DNMT3A: variants seen among roughly 807,000 people sequenced by gnomAD.
DNMT3A encodes DNA (cytosine-5)-methyltransferase 3A.
DNMT3A carries 267 observed loss-of-function variants against 117.6 expected under a neutral mutation model. The ratio of observed to expected loss-of-function variants is 2.27; its 90% confidence interval spans 2.05 to 2.51. The LOEUF (loss-of-function observed/expected upper bound fraction) is 2.51. DNMT3A is among the 30% of genes most tolerant of loss of function. The pLI, the probability that DNMT3A is intolerant of heterozygous loss-of-function variation, is 0.00. For missense variants in DNMT3A, 1,029 were observed against 1,260.2 expected, an observed-to-expected ratio of 0.82 and a Z score of 2.78; for synonymous variants, 432 against 474.8, an observed-to-expected ratio of 0.91 and a Z score of 1.17.
Position 25,244,306 on chromosome 2 carries a change from A to C in DNMT3A, c.1700T>G (p.Val567Gly). Residue 567 changes from valine (V) to glycine (G), a missense_variant, in exon 15 of 23, where the codon GTG becomes GGG. Coordinates refer to ENST00000321117, the MANE Select transcript of DNMT3A (RefSeq NM_022552.5). ...GGCTGCCTGGGCAGCCCCCGGCCCCACCAAGAGGTCCACACACTCCACGCA... is the reference window on the plus strand; with the variant it reads ...GGCTGCCTGGGCAGCCCCCGGCCCCCCCAAGAGGTCCACACACTCCACGCA... ...CFCVECVDLL[V>G]GPGAAQAAIK... 6.2e-7 allele frequency: 1 copy of C among 1,610,442 alleles called. No individual in the cohort carries two copies. Among genetic ancestry groups the C allele is most frequent in the Non-Finnish European group, 8.5e-7 (1 of 1,178,610 alleles).
chr2:25,257,658 T>G lies in DNMT3A; in HGVS notation c.640-9406A>C, dbSNP rs912028048. Reference sequence around the variant, plus strand: ...ACTTCCTTTCTTTTCACGAGGGCCTTGCTAATCACCTCGCCAGGAGAACCC... The same window carrying G: ...ACTTCCTTTCTTTTCACGAGGGCCTGGCTAATCACCTCGCCAGGAGAACCC... On this transcript the variant is annotated intron_variant, in intron 6 of 22. Transcript: ENST00000321117. This position sits in a 1 kb window ranked among gnomAD's most constrained non-coding sequence, Gnocchi z 4.8. Among the ~76,000 whole-genome samples, 1 of 152,150 alleles carries G rather than the reference T, an allele frequency of 6.6e-6. No individual in the cohort carries two copies. Among genetic ancestry groups the G allele is most frequent in the African/African-American group, 2.4e-5 (1 of 41,420 alleles).
At position 25,337,394 on chromosome 2, in the gene DNMT3A, C is replaced by G. The variant is rs780487791; in HGVS notation, c.-178+4432G>C. On this transcript the variant is annotated intron_variant, in intron 1 of 22. Transcript: ENST00000321117. This position sits in a 1 kb window ranked among gnomAD's most constrained non-coding sequence, Gnocchi z 5.0. ...CAGACACAGCTAACAGGAGGGCTCC[C>G]GCTCCTCTAAGGCTGTAACGCACAT... Among the ~76,000 whole-genome samples the G allele has an allele frequency of 6.6e-6, 1 of 152,196 alleles. No homozygotes were observed. Among genetic ancestry groups the G allele is most frequent in the Non-Finnish European group, 1.5e-5 (1 of 68,036 alleles).
chr2:25,272,991 TGAGACAGA>T (rs1558696413), intron 6 of DNMT3A, among the ~76,000 whole-genome samples: 69 of 147,902 alleles, frequency 4.7e-4, no homozygotes, highest in Non-Finnish European at 6.1e-4. Context: ...TTTTTTTTTT[TGAGACAGA>T]GTTTTGCTCT....
chr2:25,296,287 C>A lies in DNMT3A; in HGVS notation c.177+3852G>T, dbSNP rs576757654. Among the ~76,000 whole-genome samples the A allele has an allele frequency of 3.1e-4, 47 of 152,280 alleles. 1 individual carries two copies. Among genetic ancestry groups the A allele is most frequent in the African/African-American group, 1.1e-3 (46 of 41,556 alleles). On this transcript the variant is annotated intron_variant, in intron 3 of 22. Transcript: ENST00000321117. The surrounding 1 kb of genome is among the most constrained non-coding windows in gnomAD (Gnocchi z 4.2). Reference sequence around the variant, plus strand: ...CTGGGCTTCATTTTCAGGCTAGGTTCTACCGGGCTGTGGTGCTGGGGCAGG... The same window carrying A: ...CTGGGCTTCATTTTCAGGCTAGGTTATACCGGGCTGTGGTGCTGGGGCAGG...
rs1221479195 is a variant in DNMT3A, at chr2:25,311,467, G to A, written c.72+2446C>T. On this transcript the variant is annotated intron_variant, in intron 2 of 22. Transcript: ENST00000321117. This position sits in a 1 kb window ranked among gnomAD's most constrained non-coding sequence, Gnocchi z 5.2. ...TGTGCCAGGTGAGCCAGCATGCGTG[G>A]TGTAGGTGTGGGCGGCTGGGGAGGA... Among the ~76,000 whole-genome samples, 1 of 152,234 alleles carries A rather than the reference G, an allele frequency of 6.6e-6. No homozygotes were observed. Among genetic ancestry groups the A allele is most frequent in the African/African-American group, 2.4e-5 (1 of 41,476 alleles).
intron 1 of DNMT3A, among the ~76,000 whole-genome samples, chr2:25,320,841 C>T (rs1326842478): frequency 6.6e-6 from 1 of 151,968 alleles, no homozygotes; most frequent in Non-Finnish European, 1.5e-5. Flanking sequence ...CTTAAAACAA[C>T]ACATTATCGG....
intron 6 of DNMT3A, chr2:25,249,634 T>A (rs762401766): frequency 8.1e-6 from 13 of 1,614,076 alleles, no homozygotes; most frequent in Non-Finnish European, 1.1e-5. Context: ...TATTCTCCCA[T>A]TGCACAGCCT....
chr2:25,260,624 C>T (rs138590552), intron 6 of DNMT3A, among the ~76,000 whole-genome samples: 116 of 152,192 alleles, frequency 7.6e-4, no homozygotes, highest in Admixed American at 1.7e-3. Context: ...TAAAGAGGAA[C>T]GGGGAAGAGC....
chr2:25,278,355 G>A (rs902181873), intron 4 of DNMT3A, among the ~76,000 whole-genome samples: 3 of 152,214 alleles, frequency 2.0e-5, no homozygotes, highest in African/African-American at 7.2e-5. Context: ...TCCATGACCA[G>A]GCTGTAGCCA....
At chr2:25,340,916 G>A (rs2035401118) in intron 1 of DNMT3A, among the ~76,000 whole-genome samples, 2 of 141,298 alleles carry the variant, frequency 1.4e-5, no homozygotes, top group Non-Finnish European at 3.1e-5. Flanking sequence ...ACATTGCGGC[G>A]CCGCCACCGC....
intron 20 of DNMT3A, among the ~76,000 whole-genome samples, 185 bp downstream of exon 20, chr2:25,238,942 AGAC>A (rs1432922770): frequency 6.6e-6 from 1 of 152,262 alleles, no homozygotes; most frequent in Non-Finnish European, 1.5e-5. Context: ...TGTTGGTTTC[AGAC>A]GAGTATTTTC....
At chr2:25,300,706 TAATATA>T (rs2033407977) in intron 2 of DNMT3A, among the ~76,000 whole-genome samples, 2 of 55,492 alleles carry the variant, frequency 3.6e-5, no homozygotes, top group African/African-American at 1.4e-4. Flanking sequence ...TATATCTAAA[TAATATA>T]ATATATATAT....
At position 25,282,481 on chromosome 2, in the gene DNMT3A, G is replaced by C. The variant is rs2149378733; in HGVS notation, c.408C>G (p.Cys136Trp). The change falls in exon 4 of 23, where the codon TGC (cysteine) becomes TGG (tryptophan). Residue 136 changes from cysteine to tryptophan, a missense_variant. By Grantham distance (215) the Cys-to-Trp change is radical. Transcript: ENST00000321117. The surrounding 1 kb of genome is among the most constrained non-coding windows in gnomAD (Gnocchi z 5.2). ...PEASRAVENGCCTPKEGRGAP... is the reference protein window; with the variant it reads ...PEASRAVENGWCTPKEGRGAP... ...CTCCTCGGCCCTCCTTGGGGGTGCA[G>C]CAGCCATTTTCCACTGCTCTTGAGG... 6.2e-7 allele frequency: 1 copy of C among 1,613,172 alleles called. No individual in the cohort carries two copies. Among genetic ancestry groups the C allele is most frequent in the Non-Finnish European group, 8.5e-7 (1 of 1,179,900 alleles).
At chr2:25,256,208 C>G (rs892750993) in intron 6 of DNMT3A, among the ~76,000 whole-genome samples, 1 of 152,156 alleles carries the variant, frequency 6.6e-6, no homozygotes, top group Non-Finnish European at 1.5e-5. Context: ...TGAACCCGTC[C>G]TCCTCCCACC....
Position 25,234,820 on chromosome 2 carries a change from C to T in DNMT3A, c.2598-400G>A, listed in dbSNP as rs746852593. Among the ~76,000 whole-genome samples the T allele has an allele frequency of 2.6e-5, 4 of 152,182 alleles. No individual in the cohort carries two copies. Among genetic ancestry groups the T allele is most frequent in the Non-Finnish European group, 4.4e-5 (3 of 68,042 alleles). ...ACGTACACCTGGAGTCTGCATGTAACGAACACGTAGCCCTAGCATCCTCCC... is the reference window on the plus strand; with the variant it reads ...ACGTACACCTGGAGTCTGCATGTAATGAACACGTAGCCCTAGCATCCTCCC... On this transcript the variant is annotated intron_variant, in intron 22 of 22. Transcript: ENST00000321117. This position sits in a 1 kb window ranked among gnomAD's most constrained non-coding sequence, Gnocchi z 4.5.
At chr2:25,246,406 C>A in intron 10 of DNMT3A, 97 bp from the exon 11 acceptor site, 1 of 1,484,770 alleles carries the variant, frequency 6.7e-7, no homozygotes. Flanking sequence ...GGCCTGGTCT[C>A]CAACTTGTTC....
chr2:25,263,134 C>T (rs776378382), intron 6 of DNMT3A, among the ~76,000 whole-genome samples: 2 of 151,982 alleles, frequency 1.3e-5, no homozygotes, highest in Non-Finnish European at 2.9e-5. Flanking sequence ...GTGGGTCTGG[C>T]CATGTTGCCC....
chr2:25,321,744 A>G (rs187017302), intron 1 of DNMT3A, among the ~76,000 whole-genome samples: 3 of 152,270 alleles, frequency 2.0e-5, no homozygotes, highest in Non-Finnish European at 4.4e-5. Flanking sequence ...AAATTAGCCG[A>G]GTGTGGTGGC....
At position 25,275,076 on chromosome 2, in the gene DNMT3A, G is replaced by A. The variant is rs762671730; in HGVS notation, c.504C>T (p.Gly168=). 2.5e-6 allele frequency: 4 copies of A among 1,585,552 alleles called. No individual in the cohort carries two copies. The highest frequency in any genetic ancestry group is 4.6e-5 in the East Asian group (2 of 43,868). ...CCCAGCCCAAGCCACCCCGCAGCCGGCCCCGGGAGCCCTAGGACAGAGAGA... is the reference window on the plus strand; with the variant it reads ...CCCAGCCCAAGCCACCCCGCAGCCGACCCCGGGAGCCCTAGGACAGAGAGA... The part of the protein sequence containing the change: ...IESMKMEGSR[G]RLRGGLGWES... The change falls in exon 6 of 23, where the codon GGC becomes GGT. Residue 168 remains glycine (G), a synonymous_variant. Transcript: ENST00000321117.
Sources: allele counts gnomAD v4.1 joint callset (sites outside exome capture counted in the v4.1 genomes callset), GRCh38; gene constraint gnomAD v4.1.1; non-coding constraint Gnocchi (gnomAD v3.1); transcripts MANE v1.5; gene names NCBI Gene and HGNC (gene_info 2026-07-23, HGNC 2026-07-21).